The following OPCML variants were observed in gnomAD, a reference collection of about 807,000 sequenced individuals.
OPCML encodes the protein opioid binding protein/cell adhesion molecule like, also known as opioid-binding protein/cell adhesion molecule.
OPCML carries 13 observed loss-of-function variants against 37.8 expected under a neutral mutation model. The observed-to-expected ratio is 0.34, with a 90% confidence interval of 0.22 to 0.55. The LOEUF is 0.55. Among genes scored for constraint, OPCML ranks in the 20% least tolerant of loss-of-function variants. The probability of loss-of-function intolerance (pLI) is 0.91; values close to 1 mark genes in which losing one functional copy is unlikely to be tolerated. For synonymous variants in OPCML, 176 were observed against 168.8 expected (o/e 1.04, Z -0.33); for missense variants, 341 against 435.6 (o/e 0.78, Z 1.93).
intron 1 of OPCML, among the ~76,000 whole-genome samples, chr11:133,199,742 A>T (rs1938689811): frequency 6.6e-6 from 1 of 152,208 alleles, no homozygotes; most frequent in African/African-American, 2.4e-5. Flanking sequence ...AATTAATGCT[A>T]ACTACCAACA....
At chr11:133,142,958 T>A (rs1287290044) in intron 1 of OPCML, among the ~76,000 whole-genome samples, 1 of 152,164 alleles carries the variant, frequency 6.6e-6, no homozygotes. Context: ...AACCCAGGCA[T>A]GGGCCATGCT....
chr11:132,937,202 C>A (rs187528900), intron 2 of OPCML, among the ~76,000 whole-genome samples: 1 of 152,020 alleles, frequency 6.6e-6, no homozygotes, highest in African/African-American at 2.4e-5. Flanking sequence ...AACTGCCTGG[C>A]GGACCGGCTC....
intron 2 of OPCML, among the ~76,000 whole-genome samples, chr11:132,896,561 C>A (rs1943854395): frequency 6.6e-6 from 1 of 152,238 alleles, no homozygotes. Flanking sequence ...TAAGGCCCAC[C>A]TGAGGCACTC....
At chr11:132,489,272 C>T (rs1262758945) in intron 4 of OPCML, among the ~76,000 whole-genome samples, 4 of 152,256 alleles carry the variant, frequency 2.6e-5, no homozygotes, top group South Asian at 4.1e-4. Flanking sequence ...TCTTCAGGGG[C>T]AGTAACACAC....
rs373796772 is a variant in OPCML, at chr11:132,748,138, G to A, written c.147-90819C>T. On this transcript the variant is annotated intron_variant, in intron 2 of 7. Transcript: ENST00000524381. ...GAGATTATTCAATATTGATTCTTCCGAAAAGTTATCATAACAGATTGGTTT... is the reference window on the plus strand; with the variant it reads ...GAGATTATTCAATATTGATTCTTCCAAAAAGTTATCATAACAGATTGGTTT... Among the ~76,000 whole-genome samples, 6 of 150,420 alleles carry A rather than the reference G, an allele frequency of 4.0e-5. No homozygotes were observed. In the East Asian group the frequency reaches 9.8e-4, roughly 24 times the overall value.
intron 1 of OPCML, among the ~76,000 whole-genome samples, chr11:133,327,435 C>T (rs1943500631): frequency 6.6e-6 from 1 of 151,882 alleles, no homozygotes; most frequent in African/African-American, 2.4e-5. Flanking sequence ...GGAGTGTCAA[C>T]TGCTCGAGGT....
At chr11:133,194,046 A>G (rs1295507890) in intron 1 of OPCML, among the ~76,000 whole-genome samples, 1 of 152,080 alleles carries the variant, frequency 6.6e-6, no homozygotes, top group Non-Finnish European at 1.5e-5. Flanking sequence ...AAATGTCCAC[A>G]TTTTGTTCAT....
intron 4 of OPCML, among the ~76,000 whole-genome samples, chr11:132,440,106 A>G (rs1663157820): frequency 6.6e-6 from 1 of 152,204 alleles, no homozygotes; most frequent in African/African-American, 2.4e-5. Context: ...TGGAATTACC[A>G]GATGACATGG....
chr11:133,350,693 A>G (rs1276352453), intron 1 of OPCML, among the ~76,000 whole-genome samples: 1 of 152,196 alleles, frequency 6.6e-6, no homozygotes, highest in East Asian at 1.9e-4. Flanking sequence ...CCTTAAGGAG[A>G]AGCAAGCAAA....
chr11:132,622,847 T>C (rs1330054264), intron 3 of OPCML, among the ~76,000 whole-genome samples: 1 of 152,192 alleles, frequency 6.6e-6, no homozygotes, highest in East Asian at 1.9e-4. Flanking sequence ...AGCATCTCCA[T>C]GCAGTGGACA....
chr11:132,459,510 T>A (rs1243904839), intron 4 of OPCML, among the ~76,000 whole-genome samples: 1 of 145,842 alleles, frequency 6.9e-6, no homozygotes, highest in African/African-American at 2.5e-5. Flanking sequence ...ATATAGAGAA[T>A]ATATATATAT....
In OPCML at chr11:133,518,651, GT is replaced by G. The variant is rs1434279939; in HGVS notation, c.61+13612del. ...GGCAGGTGCTGGTGTGTGTGGGGCT[GT>G]GGCGTGGGCAGTGGCAGGTGCTGGT... On this transcript the variant is annotated intron_variant, in intron 1 of 7. Transcript: ENST00000524381. 3.8e-4 allele frequency among the ~76,000 whole-genome samples: 56 copies of G among 148,982 alleles called. 5 individuals are homozygous for G. The highest frequency in any genetic ancestry group is 1.3e-3 in the African/African-American group (52 of 39,736).
intron 3 of OPCML, among the ~76,000 whole-genome samples, chr11:132,649,151 AGTGT>A (rs1240983220): frequency 6.6e-6 from 1 of 152,118 alleles, no homozygotes; most frequent in Non-Finnish European, 1.5e-5. Flanking sequence ...TATGTCTGTG[AGTGT>A]GTGTATGTGT....
intron 1 of OPCML, among the ~76,000 whole-genome samples, chr11:132,988,337 T>C (rs1946716907): frequency 6.6e-6 from 1 of 152,188 alleles, no homozygotes; most frequent in African/African-American, 2.4e-5. Flanking sequence ...ATTAGCTCCA[T>C]TGAATTGTGA....
At chr11:132,610,855 G>T (rs549498788) in intron 3 of OPCML, among the ~76,000 whole-genome samples, 9 of 152,282 alleles carry the variant, frequency 5.9e-5, no homozygotes, top group African/African-American at 2.2e-4. Flanking sequence ...AAAGCAGTTT[G>T]ATCACTTTGT....
chr11:133,480,114 G>A (rs943341835), intron 1 of OPCML, among the ~76,000 whole-genome samples: 3 of 152,120 alleles, frequency 2.0e-5, no homozygotes, highest in African/African-American at 7.2e-5. Flanking sequence ...CTTAGAGCAG[G>A]CATCCCAGCA....
In OPCML at chr11:133,177,286, A is replaced by G. The variant is rs1418482020; in HGVS notation, c.62-234276T>C. ...ATCAGAGATCTGAAAGAAGTGGGAA[A>G]TAAAGCTGGATGACTTTGAAGGACT... On this transcript the variant is annotated intron_variant, in intron 1 of 7. Coordinates refer to ENST00000524381, the MANE Select transcript of OPCML (RefSeq NM_001012393.5). This position sits in a 1 kb window ranked among gnomAD's most constrained non-coding sequence, Gnocchi z 5.0. Among the ~76,000 whole-genome samples the G allele has an allele frequency of 6.6e-6, 1 of 152,242 alleles. No homozygotes were observed. The highest frequency in any genetic ancestry group is 1.5e-5 in the Non-Finnish European group (1 of 68,050).
At chr11:132,570,801 A>ATATT (rs1435698166) in intron 3 of OPCML, among the ~76,000 whole-genome samples, 3 of 103,048 alleles carry the variant, frequency 2.9e-5, no homozygotes, top group African/African-American at 1.2e-4. Context: ...ATATATATAT[A>ATATT]TTTAGAGAGA....
chr11:132,710,755 T>C (rs1591498300), intron 2 of OPCML, among the ~76,000 whole-genome samples: 1 of 151,320 alleles, frequency 6.6e-6, no homozygotes, highest in African/African-American at 2.4e-5. Flanking sequence ...CTCAGGAGGC[T>C]GAGGTAGGAA....
Sources: allele counts gnomAD v4.1 joint callset (sites outside exome capture counted in the v4.1 genomes callset), GRCh38; gene constraint gnomAD v4.1.1; non-coding constraint Gnocchi (gnomAD v3.1); transcripts MANE v1.5; gene names NCBI Gene and HGNC (gene_info 2026-07-23, HGNC 2026-07-21).